SIPA1L2: variants seen among roughly 807,000 people sequenced by gnomAD.
The protein encoded by SIPA1L2 is signal-induced proliferation-associated 1-like protein 2.
In SIPA1L2, 56 loss-of-function variants were observed where a neutral mutation model predicts 163.9. The ratio of observed to expected loss-of-function variants is 0.34; its 90% CI spans 0.28 to 0.43. SIPA1L2 has a LOEUF of 0.43. SIPA1L2 is among the 20% of genes least tolerant of loss of function. The pLI is 1.00. For missense variants in SIPA1L2, 1,974 were observed against 2,193.5 expected (o/e 0.90, Z 2.00); for synonymous variants, 877 against 865.7 (o/e 1.01, Z -0.23).
chr1:232,542,028 A>G (rs12116509), intron 2 of SIPA1L2, among the ~76,000 whole-genome samples: 60,655 of 151,868 alleles, frequency 0.4, 13,254 homozygotes, highest in Non-Finnish European at 0.49. Context: ...GTTTTTGTAC[A>G]AGATTACATC....
intron 19 of SIPA1L2, among the ~76,000 whole-genome samples, chr1:232,410,237 G>A (rs1425160509): frequency 1.3e-5 from 2 of 151,968 alleles, no homozygotes; most frequent in Admixed American, 1.3e-4. Flanking sequence ...TTAGTCTTTG[G>A]GGGTATCTCT....
intron 1 of SIPA1L2, among the ~76,000 whole-genome samples, chr1:232,619,643 G>GA (rs1662691349): frequency 6.6e-6 from 1 of 152,220 alleles, no homozygotes; most frequent in Non-Finnish European, 1.5e-5. Flanking sequence ...GGAAGGGATG[G>GA]AAGGACAAGA....
intron 22 of SIPA1L2, among the ~76,000 whole-genome samples, chr1:232,402,025 G>C (rs1346555812): frequency 6.6e-6 from 1 of 152,216 alleles, no homozygotes; most frequent in Non-Finnish European, 1.5e-5. Context: ...AGGACTCATA[G>C]AGACCAGGCT....
chr1:232,428,173 C>T lies in SIPA1L2; in HGVS notation c.4410+238G>A, dbSNP rs1027148845. On this transcript the variant is annotated intron_variant, in intron 17 of 22. Coordinates refer to ENST00000674635, the MANE Select transcript of SIPA1L2 (RefSeq NM_020808.5). ...AGCCAGGATTTGAGGCTAGGCCAGC[C>T]GGACTTTCAGCTCTATCTGAGGTTT... Among the ~76,000 whole-genome samples the T allele has an allele frequency of 3.3e-5, 5 of 152,078 alleles. 1 individual carries two copies. Among genetic ancestry groups the T allele is most frequent in the African/African-American group, 9.7e-5 (4 of 41,380 alleles).
intron 2 of SIPA1L2, among the ~76,000 whole-genome samples, chr1:232,544,473 T>C (rs999200928): frequency 6.6e-6 from 1 of 151,582 alleles, no homozygotes; most frequent in Non-Finnish European, 1.5e-5. Context: ...GGCAGGAGAA[T>C]GGCGTGAACC....
At chr1:232,561,752 G>A (rs920176728) in intron 2 of SIPA1L2, among the ~76,000 whole-genome samples, 2 of 152,192 alleles carry the variant, frequency 1.3e-5, no homozygotes, top group South Asian at 2.1e-4. Context: ...GCTTTGATGG[G>A]AATGGTCTTG....
rs957149982 is a variant in SIPA1L2, at chr1:232,465,988, C to T, written c.2244-572G>A. ...TGACACCTTGATCTTAGACTTCCAGCCTCTAGAACTCTGAGAAAATAAAAG... is the reference window on the plus strand; with the variant it reads ...TGACACCTTGATCTTAGACTTCCAGTCTCTAGAACTCTGAGAAAATAAAAG... On this transcript the variant is annotated intron_variant, in intron 8 of 22. Coordinates refer to ENST00000674635, the MANE Select transcript of SIPA1L2 (RefSeq NM_020808.5). This position sits in a 1 kb window ranked among gnomAD's most constrained non-coding sequence, Gnocchi z 4.1. Among the ~76,000 whole-genome samples the T allele has an allele frequency of 6.6e-6, 1 of 151,998 alleles. No homozygotes were observed. Among genetic ancestry groups the T allele is most frequent in the Non-Finnish European group, 1.5e-5 (1 of 68,026 alleles).
chr1:232,490,738 G>A (rs920756531), intron 5 of SIPA1L2, 136 bp downstream of exon 5: 3 of 893,236 alleles, frequency 3.4e-6, no homozygotes, highest in Non-Finnish European at 5.1e-6. Flanking sequence ...AAACATATTT[G>A]GGAAAAACTA....
intron 2 of SIPA1L2, among the ~76,000 whole-genome samples, chr1:232,537,953 T>C (rs1012908527): frequency 6.6e-6 from 1 of 152,236 alleles, no homozygotes; most frequent in African/African-American, 2.4e-5. Context: ...ATTACAGACT[T>C]CCTAAATGAC....
intron 10 of SIPA1L2, among the ~76,000 whole-genome samples, chr1:232,457,294 G>A (rs1158791000): frequency 1.3e-5 from 2 of 152,178 alleles, no homozygotes; most frequent in Non-Finnish European, 2.9e-5. Context: ...GAGGAGCTGG[G>A]CTCCCATGTC....
At position 232,452,131 on chromosome 1, in the gene SIPA1L2, C is replaced by T. The variant is rs192981280; in HGVS notation, c.3096-6345G>A. On this transcript the variant is annotated intron_variant, in intron 10 of 22. Coordinates refer to ENST00000674635, the MANE Select transcript of SIPA1L2 (RefSeq NM_020808.5). The stretch of plus-strand genomic sequence containing the variant: ...AAACAGTATTACTTGTCCTTTTGCA[C>T]TCACCATCGTGGACTTCCTGGGATG... Among the ~76,000 whole-genome samples, 506 of 151,810 alleles carry T rather than the reference C, an allele frequency of 3.3e-3. 6 individuals carry two copies. The highest frequency in any genetic ancestry group is 0.023 in the South Asian group (112 of 4,786).
intron 16 of SIPA1L2, 63 bp from the exon 17 acceptor site, chr1:232,428,627 T>A: frequency 7.7e-7 from 1 of 1,303,332 alleles, no homozygotes; most frequent in Non-Finnish European, 1.0e-6. Flanking sequence ...TGGTAAGAAT[T>A]AAAACCTAGG....
intron 1 of SIPA1L2, among the ~76,000 whole-genome samples, chr1:232,620,657 A>G (rs999889299): frequency 1.3e-5 from 2 of 152,240 alleles, no homozygotes; most frequent in Admixed American, 1.3e-4. Context: ...CTGCCCTAAA[A>G]TTAGCAGTCA....
rs541574672 is a variant in SIPA1L2, at chr1:232,522,830, T to C, written c.-269-7222A>G. Among the ~76,000 whole-genome samples, 20 of 152,354 alleles carry C rather than the reference T, an allele frequency of 1.3e-4. 1 individual carries two copies. The South Asian group carries it at 3.9e-3, about 30-fold the overall frequency. On this transcript the variant is annotated intron_variant, in intron 2 of 22. Transcript: ENST00000674635. ...ATTGACAAACATACTGATTTGAAATTAAGCAAATGAATGAAACCCATAACT... is the reference window on the plus strand; with the variant it reads ...ATTGACAAACATACTGATTTGAAATCAAGCAAATGAATGAAACCCATAACT...
rs1667678121 is a variant in SIPA1L2, at chr1:232,525,809, C to G, written c.-269-10201G>C. On this transcript the variant is annotated intron_variant, in intron 2 of 22. Coordinates refer to ENST00000674635, the MANE Select transcript of SIPA1L2 (RefSeq NM_020808.5). ...CAGTGAGGAAGCACACATAAGTACT[C>G]CAGAAGATTTAACACCACAGATGCA... is the stretch of plus-strand genomic sequence containing the variant. 2.0e-5 allele frequency among the ~76,000 whole-genome samples: 3 copies of G among 152,204 alleles called. No homozygotes were observed. The South Asian group carries it at 6.2e-4, about 32-fold the overall frequency.
chr1:232,526,254 G>A (rs1667701635), intron 2 of SIPA1L2, among the ~76,000 whole-genome samples: 1 of 152,156 alleles, frequency 6.6e-6, no homozygotes, highest in African/African-American at 2.4e-5. Context: ...CAGGGACCCT[G>A]GTGCTTGGCA....
chr1:232,428,686 A>G (rs979928557), intron 16 of SIPA1L2, 122 bp from the exon 17 acceptor site: 2 of 638,390 alleles, frequency 3.1e-6, no homozygotes, highest in African/African-American at 3.8e-5. Flanking sequence ...TTAGGTCTTA[A>G]GTCAGTTCAC....
intron 7 of SIPA1L2, among the ~76,000 whole-genome samples, chr1:232,478,518 GT>G (rs1340393671): frequency 6.6e-6 from 1 of 152,076 alleles, no homozygotes; most frequent in Non-Finnish European, 1.5e-5. Flanking sequence ...ACTTTTATGA[GT>G]CTTTTTTAAA....
chr1:232,487,097 A>C (rs1311891819), intron 5 of SIPA1L2, among the ~76,000 whole-genome samples: 1 of 152,228 alleles, frequency 6.6e-6, no homozygotes, highest in Non-Finnish European at 1.5e-5. Flanking sequence ...CCACTTGTCA[A>C]AATTCCCTAT....
Sources: gnomAD v4.1 joint callset for allele counts (sites outside exome capture counted in the v4.1 genomes callset) on GRCh38, gnomAD v4.1.1 for gene constraint, Gnocchi (gnomAD v3.1) non-coding constraint, MANE v1.5 for transcripts, NCBI Gene and HGNC (gene_info 2026-07-23, HGNC 2026-07-21) for gene names.